ARHGEF26: variants seen among roughly 807,000 people sequenced by gnomAD.
The protein encoded by ARHGEF26 is Rho guanine nucleotide exchange factor (GEF) 26.
A neutral mutation model predicts 89.4 loss-of-function variants in ARHGEF26; 59 were observed. The observed-to-expected ratio is 0.66, with a 90% CI of 0.54 to 0.82. The LOEUF (loss-of-function observed/expected upper bound fraction) is 0.82. ARHGEF26 is among the 40% of genes least tolerant of loss of function. The pLI, the probability that ARHGEF26 is intolerant of heterozygous loss-of-function variation, is 0.00. For synonymous variants in ARHGEF26, 500 were observed against 428.4 expected (o/e 1.17, Z -2.06); for missense variants, 1,234 against 1,085.6 (o/e 1.14, Z -1.92).
At chr3:154,254,156 C>T (rs1458232090) in intron 13 of ARHGEF26, among the ~76,000 whole-genome samples, 1 of 152,164 alleles carries the variant, frequency 6.6e-6, no homozygotes, top group Non-Finnish European at 1.5e-5. Context: ...ACCTCGTGAT[C>T]CGCCTGCCTC....
chr3:154,135,372 T>C (rs2108058947), intron 4 of ARHGEF26, among the ~76,000 whole-genome samples: 1 of 152,316 alleles, frequency 6.6e-6, no homozygotes, highest in East Asian at 1.9e-4. Flanking sequence ...CTAGAGGTAT[T>C]CATAATGTTT....
chr3:154,226,786 G>C (rs1716524159), intron 11 of ARHGEF26, among the ~76,000 whole-genome samples: 1 of 151,866 alleles, frequency 6.6e-6, no homozygotes, highest in Admixed American at 6.6e-5. Context: ...GTCTTTCCTA[G>C]AATATGAACT....
chr3:154,184,624 T>A (rs553199996), intron 6 of ARHGEF26, among the ~76,000 whole-genome samples: 1 of 152,270 alleles, frequency 6.6e-6, no homozygotes, highest in African/African-American at 2.4e-5. Flanking sequence ...GTCTATTAAT[T>A]TTATCTCCAG....
intron 6 of ARHGEF26, among the ~76,000 whole-genome samples, chr3:154,167,154 A>T (rs1376232601): frequency 6.6e-6 from 1 of 152,230 alleles, no homozygotes; most frequent in African/African-American, 2.4e-5. Context: ...GAAAATAGTC[A>T]TTGCTCTGAA....
intron 9 of ARHGEF26, among the ~76,000 whole-genome samples, chr3:154,216,490 T>TA (rs1280179543): frequency 3.7e-4 from 10 of 27,346 alleles, no homozygotes; most frequent in African/African-American, 1.8e-3. Context: ...TTTTTTTTTT[T>TA]TATTTTTTTT....
intron 10 of ARHGEF26, among the ~76,000 whole-genome samples, chr3:154,219,997 A>G (rs1165879339): frequency 6.6e-6 from 1 of 152,224 alleles, no homozygotes; most frequent in Non-Finnish European, 1.5e-5. Context: ...TTTTCATTCA[A>G]TGATTAAAAT....
intron 6 of ARHGEF26, among the ~76,000 whole-genome samples, chr3:154,186,016 G>A (rs1243610664): frequency 3.9e-5 from 6 of 152,092 alleles, no homozygotes; most frequent in Admixed American, 3.3e-4. Context: ...GTGAGTGTTG[G>A]GAGGGAAAGG....
chr3:154,252,604 T>C (rs1397588124), intron 12 of ARHGEF26, among the ~76,000 whole-genome samples: 1 of 152,164 alleles, frequency 6.6e-6, no homozygotes. Flanking sequence ...GCCAAAGAAT[T>C]TCTATTTCAG....
intron 9 of ARHGEF26, among the ~76,000 whole-genome samples, chr3:154,208,190 T>C (rs1207995183): frequency 6.6e-6 from 1 of 152,158 alleles, no homozygotes; most frequent in African/African-American, 2.4e-5. Flanking sequence ...TAAACCACCA[T>C]GGCAAATGTT....
intron 4 of ARHGEF26, among the ~76,000 whole-genome samples, chr3:154,136,565 T>G (rs764858013): frequency 6.6e-6 from 1 of 152,200 alleles, no homozygotes; most frequent in African/African-American, 2.4e-5. Flanking sequence ...TAGTTTGAGG[T>G]GATGGGACTT....
At chr3:154,140,114 T>G (rs1344413558) in intron 4 of ARHGEF26, among the ~76,000 whole-genome samples, 3 of 1,824 alleles carry the variant, frequency 1.6e-3, no homozygotes, top group Non-Finnish European at 2.3e-3. Flanking sequence ...GGTCCAAAGT[T>G]CTGAATGAGC....
intron 6 of ARHGEF26, among the ~76,000 whole-genome samples, chr3:154,162,644 A>G (rs1210314057): frequency 3.9e-5 from 6 of 152,008 alleles, no homozygotes; most frequent in South Asian, 2.1e-4. Context: ...CCACCTCCCA[A>G]AGATGTGCAC....
chr3:154,221,387 G>A (rs1006777699), intron 10 of ARHGEF26, among the ~76,000 whole-genome samples: 1 of 152,170 alleles, frequency 6.6e-6, no homozygotes, highest in Non-Finnish European at 1.5e-5. Flanking sequence ...TGGTGGGAAA[G>A]ATTGTTTTAC....
intron 10 of ARHGEF26, among the ~76,000 whole-genome samples, chr3:154,224,295 A>G (rs1171017974): frequency 6.6e-6 from 1 of 152,256 alleles, no homozygotes; most frequent in Non-Finnish European, 1.5e-5. Flanking sequence ...TTTCAAAAGA[A>G]GCATAGATGT....
intron 12 of ARHGEF26, among the ~76,000 whole-genome samples, chr3:154,248,908 A>C (rs1019507382): frequency 6.6e-6 from 1 of 152,098 alleles, no homozygotes; most frequent in Non-Finnish European, 1.5e-5. Flanking sequence ...GCTTTCTTTC[A>C]TGGATCAGTT....
Position 154,200,886 on chromosome 3 carries a change from A to T in ARHGEF26, c.1845+6168A>T, listed in dbSNP as rs1276838075. ...GATTACTTTTTAATTTCTTTTTCAC[A>T]TTGTTCACTGTTGGCATATAGAAAT... is the stretch of plus-strand genomic sequence containing the variant. On this transcript the variant is annotated intron_variant, in intron 9 of 14. Coordinates refer to ENST00000465093, the MANE Select transcript of ARHGEF26 (RefSeq NM_015595.4). 3.9e-5 allele frequency among the ~76,000 whole-genome samples: 6 copies of T among 151,974 alleles called. No individual in the cohort carries two copies. In the East Asian group the frequency reaches 1.2e-3, roughly 29 times the overall value.
intron 6 of ARHGEF26, among the ~76,000 whole-genome samples, chr3:154,155,965 A>T (rs1317168194): frequency 6.6e-6 from 1 of 152,062 alleles, no homozygotes; most frequent in Non-Finnish European, 1.5e-5. Context: ...ATTTTAAAGC[A>T]GGTCTAAAGA....
chr3:154,209,124 C>T (rs922314469), intron 9 of ARHGEF26, among the ~76,000 whole-genome samples: 1 of 152,040 alleles, frequency 6.6e-6, no homozygotes, highest in East Asian at 1.9e-4. Flanking sequence ...TTATTTCAAT[C>T]TCCTTGTTAA....
At chr3:154,179,265 A>G (rs998084400) in intron 6 of ARHGEF26, among the ~76,000 whole-genome samples, 2 of 152,246 alleles carry the variant, frequency 1.3e-5, no homozygotes, top group South Asian at 4.1e-4. Context: ...CTCTGGCACC[A>G]TTAGCAAACC....
Sources: gnomAD v4.1 joint callset for allele counts (sites outside exome capture counted in the v4.1 genomes callset) on GRCh38, gnomAD v4.1.1 for gene constraint, MANE v1.5 for transcripts, NCBI Gene and HGNC (gene_info 2026-07-23, HGNC 2026-07-21) for gene names.